The following EML1 variants were observed in gnomAD, a reference collection of about 807,000 sequenced individuals.
The protein encoded by EML1 is EMAP like 1, also known as echinoderm microtubule-associated protein-like 1.
A neutral mutation model predicts 110.4 loss-of-function variants in EML1; 27 were observed. The ratio of observed to expected loss-of-function variants is 0.24; its 90% confidence interval spans 0.18 to 0.34. EML1 has a LOEUF of 0.34. Among genes scored for constraint, EML1 ranks in the 10% least tolerant of loss-of-function variants. The pLI is 1.00. For synonymous variants in EML1, 344 were observed against 385.8 expected (o/e 0.89, Z 1.27); for missense variants, 741 against 1,030.9 (o/e 0.72, Z 3.85).
intron 1 of EML1, among the ~76,000 whole-genome samples, chr14:99,838,020 T>G (rs1369923714): frequency 6.6e-6 from 1 of 152,086 alleles, no homozygotes; most frequent in African/African-American, 2.4e-5. Flanking sequence ...TGGCTGGTCT[T>G]GAACTCCTGG....
chr14:99,935,853 C>G (rs1293828691), intron 17 of EML1, among the ~76,000 whole-genome samples, 176 bp from the exon 18 acceptor site: 1 of 148,770 alleles, frequency 6.7e-6, no homozygotes, highest in Non-Finnish European at 1.5e-5. Context: ...GTGTGTTTTT[C>G]AAAAGATAGC....
At chr14:99,855,342 T>G (rs1335202118) in intron 2 of EML1, among the ~76,000 whole-genome samples, 1 of 152,222 alleles carries the variant, frequency 6.6e-6, no homozygotes, top group Non-Finnish European at 1.5e-5. Flanking sequence ...GCAGAAGAAA[T>G]TTGTGTTCTA....
chr14:99,926,001 TC>T (rs936464046), intron 17 of EML1, among the ~76,000 whole-genome samples: 6 of 152,186 alleles, frequency 3.9e-5, no homozygotes, highest in Admixed American at 1.3e-4. Flanking sequence ...AGCCTGTTCT[TC>T]CCTGCCAGGA....
intron 1 of EML1, among the ~76,000 whole-genome samples, chr14:99,758,764 A>C (rs2057284066): frequency 1.3e-5 from 2 of 152,242 alleles, no homozygotes; most frequent in Non-Finnish European, 2.9e-5. Flanking sequence ...CGAGTCGCTC[A>C]GCCCTGCAAC....
rs1275944398 is a variant in EML1, at chr14:99,936,537, C to T, written c.2095+203C>T. Among the ~76,000 whole-genome samples, 2 of 152,064 alleles carry T rather than the reference C, an allele frequency of 1.3e-5. No homozygotes were observed. Among genetic ancestry groups the T allele is most frequent in the Non-Finnish European group, 2.9e-5 (2 of 68,002 alleles). On this transcript the variant is annotated intron_variant, in intron 19 of 21. Coordinates refer to ENST00000262233, the MANE Select transcript of EML1 (RefSeq NM_004434.3). The surrounding 1 kb of genome is among the most constrained non-coding windows in gnomAD (Gnocchi z 5.5). ...TTCCCGGTTTCCTGCTGACTGTGAG[C>T]CCCTATGGAGGAGAAGATCCAGGGC...
chr14:99,888,592 T>C (rs543923835), intron 4 of EML1, among the ~76,000 whole-genome samples: 73 of 152,334 alleles, frequency 4.8e-4, no homozygotes, highest in South Asian at 2.9e-3. Context: ...GAGTTAAGAT[T>C]TCTTCTGCTT....
chr14:99,816,594 T>C (rs2058172077), intron 1 of EML1, among the ~76,000 whole-genome samples: 1 of 152,294 alleles, frequency 6.6e-6, no homozygotes, highest in South Asian at 2.1e-4. Flanking sequence ...GTGGGATTCC[T>C]GGTCCATAGG....
chr14:99,790,115 T>C (rs2057647548), upstream of EML1, among the ~76,000 whole-genome samples: 1 of 152,222 alleles, frequency 6.6e-6, no homozygotes, highest in Non-Finnish European at 1.5e-5. Flanking sequence ...AAGAGAGCAA[T>C]GATCTTCTTT....
intron 1 of EML1, among the ~76,000 whole-genome samples, chr14:99,825,043 GCA>G (rs2058329778): frequency 6.6e-6 from 1 of 152,128 alleles, no homozygotes; most frequent in Admixed American, 6.5e-5. Context: ...GAGTGCAGTG[GCA>G]CAGTCTCAGC....
intron 20 of EML1, among the ~76,000 whole-genome samples, chr14:99,938,361 AT>A (rs1024010294): frequency 6.6e-6 from 1 of 152,248 alleles, no homozygotes; most frequent in Admixed American, 6.5e-5. Flanking sequence ...AATTAATAGA[AT>A]TTTTAAAGAT....
chr14:99,928,437 C>T (rs896530555), intron 17 of EML1, among the ~76,000 whole-genome samples: 1 of 151,918 alleles, frequency 6.6e-6, no homozygotes, highest in African/African-American at 2.4e-5. Flanking sequence ...ACCTATAGCC[C>T]TTTCTCTCAG....
chr14:99,918,206 T>C (rs2140074897), intron 16 of EML1, among the ~76,000 whole-genome samples: 1 of 152,306 alleles, frequency 6.6e-6, no homozygotes, highest in African/African-American at 2.4e-5. Flanking sequence ...TAAGTGATCC[T>C]CCCACCTCAG....
intron 1 of EML1, among the ~76,000 whole-genome samples, chr14:99,840,219 G>T (rs533900970): frequency 6.6e-6 from 1 of 152,304 alleles, no homozygotes; most frequent in South Asian, 2.1e-4. Context: ...ACTAAATCTG[G>T]TAAGTTTTTT....
At chr14:99,854,141 C>T (rs1161901321) in intron 2 of EML1, among the ~76,000 whole-genome samples, 1 of 152,158 alleles carries the variant, frequency 6.6e-6, no homozygotes, top group Non-Finnish European at 1.5e-5. Flanking sequence ...GGGTCCTGCT[C>T]AAAGCCAGTG....
chr14:99,924,414 A>G (rs2060196487), intron 17 of EML1, among the ~76,000 whole-genome samples: 1 of 152,230 alleles, frequency 6.6e-6, no homozygotes, highest in African/African-American at 2.4e-5. Context: ...TAAGTGTACT[A>G]TGTTTCTTCC....
intron 1 of EML1, among the ~76,000 whole-genome samples, chr14:99,846,281 ATT>A (rs1251744096): frequency 2.4e-4 from 26 of 109,980 alleles, no homozygotes; most frequent in African/African-American, 6.2e-4. Flanking sequence ...CCAGCTGGTG[ATT>A]TTTTTTTTTT....
intron 1 of EML1, among the ~76,000 whole-genome samples, chr14:99,833,128 A>G (rs568642087): frequency 1.8e-4 from 28 of 152,084 alleles, no homozygotes; most frequent in Non-Finnish European, 4.0e-4. Flanking sequence ...TACAAGTTTT[A>G]TAGTTTTATT....
intron 1 of EML1, among the ~76,000 whole-genome samples, chr14:99,757,931 G>A (rs1273359453): frequency 6.6e-6 from 1 of 152,216 alleles, no homozygotes; most frequent in Non-Finnish European, 1.5e-5. Context: ...CACCTACTAT[G>A]AGCCAGCCCC....
intron 1 of EML1, among the ~76,000 whole-genome samples, chr14:99,749,301 C>G (rs2057149180): frequency 1.3e-5 from 2 of 152,186 alleles, no homozygotes; most frequent in Non-Finnish European, 2.9e-5. Flanking sequence ...GCTCTGACTC[C>G]TCACATCTTC....
Sources: gnomAD v4.1 joint callset for allele counts (sites outside exome capture counted in the v4.1 genomes callset) on GRCh38, gnomAD v4.1.1 for gene constraint, Gnocchi (gnomAD v3.1) non-coding constraint, MANE v1.5 for transcripts, NCBI Gene and HGNC (gene_info 2026-07-23, HGNC 2026-07-21) for gene names.